Variants in HOMER1 observed in about 807,000 individuals in gnomAD.
The protein encoded by HOMER1 is homer scaffold protein 1.
In HOMER1, 3 loss-of-function variants were observed where a neutral mutation model predicts 48.9. The ratio of observed to expected loss-of-function variants is 0.06; its 90% CI spans 0.03 to 0.16. HOMER1 has a LOEUF of 0.16. HOMER1 is among the 10% of genes least tolerant of loss of function. The pLI, the probability that HOMER1 is intolerant of heterozygous loss-of-function variation, is 1.00. For missense variants in HOMER1, 247 were observed against 411.4 expected, an observed-to-expected ratio of 0.60 and a Z score of 3.46; for synonymous variants, 134 against 146.4, an observed-to-expected ratio of 0.92 and a Z score of 0.61.
chr5:79,471,362 T>G (rs528657700), intron 1 of HOMER1, among the ~76,000 whole-genome samples: 1 of 151,786 alleles, frequency 6.6e-6, no homozygotes, highest in African/African-American at 2.4e-5. Context: ...CTGACCAACA[T>G]GGTGAAACCC....
At chr5:79,427,969 C>T (rs900866599) in intron 5 of HOMER1, among the ~76,000 whole-genome samples, 1 of 152,084 alleles carries the variant, frequency 6.6e-6, no homozygotes, top group Non-Finnish European at 1.5e-5. Context: ...GCTACCTCAC[C>T]TATTTTGGAG....
intron 5 of HOMER1, among the ~76,000 whole-genome samples, chr5:79,414,210 G>C (rs1749880561): frequency 6.6e-6 from 1 of 151,400 alleles, no homozygotes; most frequent in Admixed American, 6.6e-5. Flanking sequence ...AGCCTCCTGA[G>C]TAGCTGGGAC....
intron 8 of HOMER1, among the ~76,000 whole-genome samples, chr5:79,392,954 G>GGAGAGAGAGAGAGAGA (rs3082001): frequency 8.8e-4 from 124 of 140,948 alleles, no homozygotes; most frequent in South Asian, 2.6e-3. Context: ...GAAGGGAAAG[G>GGAGAGAGAGAGAGAGA]GAGAGAGAGA....
Position 79,405,897 on chromosome 5 carries a change from A to C in HOMER1, c.528-3842T>G, listed in dbSNP as rs149129691. Among the ~76,000 whole-genome samples the C allele has an allele frequency of 6.4e-3, 981 of 152,314 alleles. 6 individuals are homozygous for C. The highest frequency in any genetic ancestry group is 0.021 in the African/African-American group (892 of 41,566). ...ATTTCACACTAGTTTTGGGTAGTAG[A>C]ATCATATGGAGTTTCTTGACTCCCA... On this transcript the variant is annotated intron_variant, in intron 5 of 8. Transcript: ENST00000334082.
Position 79,510,343 on chromosome 5 carries a change from T to C in HOMER1, c.5+2427A>G, listed in dbSNP as rs1274087686. Reference sequence around the variant, plus strand: ...TGCATGTTATGTGTGGTGCTAACTTTCCCACTTTAAACAACAGCCCCCTTA... The same window carrying C: ...TGCATGTTATGTGTGGTGCTAACTTCCCCACTTTAAACAACAGCCCCCTTA... On this transcript the variant is annotated intron_variant, in intron 1 of 8. Coordinates refer to ENST00000334082, the MANE Select transcript of HOMER1 (RefSeq NM_004272.5). The C allele has an allele frequency of 1.4e-5, 7 of 486,518 alleles. No homozygotes were observed. In the Admixed American group the frequency reaches 1.7e-4, roughly 12 times the overall value. The allele number at this position is 486,518 out of a possible 1,614,324, so 30.1% of individuals were successfully genotyped here.
intron 8 of HOMER1, among the ~76,000 whole-genome samples, chr5:79,387,343 A>G (rs1333265113): frequency 1.3e-5 from 2 of 152,010 alleles, no homozygotes; most frequent in African/African-American, 4.8e-5. Context: ...TGCCCAGGCT[A>G]GTTGCAAACT....
intron 6 of HOMER1, among the ~76,000 whole-genome samples, 173 bp downstream of exon 6, chr5:79,401,726 A>C (rs1337969183): frequency 2.6e-5 from 4 of 152,206 alleles, no homozygotes; most frequent in Non-Finnish European, 4.4e-5. Context: ...CATTCTCATT[A>C]AACTATGGAA....
chr5:79,415,909 T>A (rs1749931395), intron 5 of HOMER1, among the ~76,000 whole-genome samples: 1 of 152,186 alleles, frequency 6.6e-6, no homozygotes, highest in Non-Finnish European at 1.5e-5. Context: ...TTACCTAACC[T>A]CATCAGGTCT....
Position 79,375,341 on chromosome 5 carries a change from AC to A in HOMER1, c.*667del, listed in dbSNP as rs1255024642. 6.6e-6 allele frequency: 1 copy of A among 152,088 alleles called. No homozygotes were observed. Among genetic ancestry groups the A allele is most frequent in the African/African-American group, 2.4e-5 (1 of 41,444 alleles). 9.4% of individuals were successfully genotyped at this position (152,088 alleles called of 1,614,324 possible). A position where few individuals can be genotyped will look rare whatever the true frequency, so the allele number is the denominator to read the frequency against. ...ACATGGAATCAATATGGAAAAGTAAACTATACAACAGACAAGATTAGAGAAC... is the reference window on the plus strand; with the variant it reads ...ACATGGAATCAATATGGAAAAGTAAATATACAACAGACAAGATTAGAGAAC... On this transcript the variant is annotated 3_prime_UTR_variant, in exon 9 of 9. Coordinates refer to ENST00000334082, the MANE Select transcript of HOMER1 (RefSeq NM_004272.5).
chr5:79,419,350 T>C (rs1033248930), intron 5 of HOMER1, among the ~76,000 whole-genome samples: 1 of 152,196 alleles, frequency 6.6e-6, no homozygotes, highest in African/African-American at 2.4e-5. Context: ...CTCTAAGTAC[T>C]AAAATGTGCT....
rs143908492 is a variant in HOMER1, at chr5:79,511,785, A to G, written c.5+985T>C. 8.5e-3 allele frequency among the ~76,000 whole-genome samples: 1,302 copies of G among 152,372 alleles called. 16 individuals are homozygous for G. The highest frequency in any genetic ancestry group is 0.03 in the African/African-American group (1,248 of 41,594). On this transcript the variant is annotated intron_variant, in intron 1 of 8. Coordinates refer to ENST00000334082, the MANE Select transcript of HOMER1 (RefSeq NM_004272.5). The stretch of plus-strand genomic sequence containing the variant: ...CAAGAACTTTCCTCAGAAAGTTTCA[A>G]GCGTGTGTACACACCTAAACCATCA...
At chr5:79,435,359 C>A (rs1750546141) in intron 5 of HOMER1, among the ~76,000 whole-genome samples, 1 of 152,184 alleles carries the variant, frequency 6.6e-6, no homozygotes, top group Non-Finnish European at 1.5e-5. Context: ...CAACTCTTAA[C>A]TAATCTGACT....
At chr5:79,482,134 C>T (rs184112098) in intron 1 of HOMER1, among the ~76,000 whole-genome samples, 7 of 152,080 alleles carry the variant, frequency 4.6e-5, no homozygotes, top group Non-Finnish European at 7.4e-5. Flanking sequence ...GTGGGAGGAC[C>T]ACTTGAGTCC....
At chr5:79,437,092 G>A (rs569473883) in intron 5 of HOMER1, among the ~76,000 whole-genome samples, 46 of 152,220 alleles carry the variant, frequency 3.0e-4, no homozygotes, top group Admixed American at 4.6e-4. Flanking sequence ...GAGAAAAATC[G>A]TAGAGAAGAC....
intron 5 of HOMER1, among the ~76,000 whole-genome samples, chr5:79,422,585 C>T (rs1241826153): frequency 1.3e-5 from 2 of 149,920 alleles, no homozygotes; most frequent in East Asian, 3.9e-4. Flanking sequence ...AAATTGTATC[C>T]ATTCTACTTC....
At chr5:79,422,412 T>A (rs943323525) in intron 5 of HOMER1, among the ~76,000 whole-genome samples, 3 of 152,148 alleles carry the variant, frequency 2.0e-5, no homozygotes, top group African/African-American at 7.2e-5. Context: ...TCATCTTTTT[T>A]ATATTTGGTC....
chr5:79,379,514 TACAG>T (rs1450932320), intron 8 of HOMER1, among the ~76,000 whole-genome samples: 19 of 136,480 alleles, frequency 1.4e-4, no homozygotes, highest in African/African-American at 2.2e-4. Flanking sequence ...ACATTTATAT[TACAG>T]ACAGAGAATT....
rs1580416137 is a variant in HOMER1, at chr5:79,387,101, T to TCTCTC, written c.876+9721_876+9722insGAGAG. On this transcript the variant is annotated intron_variant, in intron 8 of 8. Transcript: ENST00000334082. Reference sequence around the variant, plus strand: ...TCTCTCTCTCTCTCTCTCTCTCTCTTTCTTTCACAAGGTCTCATTCTATCA... The same window carrying TCTCTC: ...TCTCTCTCTCTCTCTCTCTCTCTCTTCTCTCTCTTTCACAAGGTCTCATTCTATCA... Among the ~76,000 whole-genome samples, 3 of 124,196 alleles carry TCTCTC rather than the reference T, an allele frequency of 2.4e-5. No individual in the cohort carries two copies. The South Asian group carries it at 8.0e-4, about 33-fold the overall frequency. The allele number at this position is 124,196 out of a possible 152,430, so 81.5% of individuals were successfully genotyped here. A position where few individuals can be genotyped will look rare whatever the true frequency, so the allele number is the denominator to read the frequency against.
intron 3 of HOMER1, among the ~76,000 whole-genome samples, chr5:79,448,341 C>T (rs1206685564): frequency 6.6e-6 from 1 of 152,170 alleles, no homozygotes; most frequent in Admixed American, 6.6e-5. Context: ...ACTAATTTAA[C>T]ATTCCACAAT....
Sources: gnomAD v4.1 joint callset for allele counts (sites outside exome capture counted in the v4.1 genomes callset) on GRCh38, gnomAD v4.1.1 for gene constraint, MANE v1.5 for transcripts, NCBI Gene and HGNC (gene_info 2026-07-23, HGNC 2026-07-21) for gene names.